Variants in EFCAB5 observed in about 807,000 individuals in gnomAD.
EFCAB5 encodes the protein EF-hand calcium-binding domain-containing protein 5.
EFCAB5 carries 131 observed loss-of-function variants against 167.9 expected under a neutral mutation model. The observed-to-expected ratio is 0.78, with a 90% CI of 0.68 to 0.90. EFCAB5 has a LOEUF of 0.90. Among genes scored for constraint, EFCAB5 ranks in the 40% least tolerant of loss-of-function variants. The pLI, the probability that EFCAB5 is intolerant of heterozygous loss-of-function variation, is 0.00. For synonymous variants in EFCAB5, 574 were observed against 602.8 expected (o/e 0.95, Z 0.70); for missense variants, 1,663 against 1,745.2 (o/e 0.95, Z 0.84).
At chr17:30,032,826 G>A (rs750701331) in intron 7 of EFCAB5, among the ~76,000 whole-genome samples, 1 of 151,888 alleles carries the variant, frequency 6.6e-6, no homozygotes, top group Non-Finnish European at 1.5e-5. Context: ...TAATTCTCAG[G>A]CCCAGCCAAA....
intron 1 of EFCAB5, among the ~76,000 whole-genome samples, chr17:29,931,604 T>A (rs2067196337): frequency 6.6e-6 from 1 of 151,584 alleles, no homozygotes; most frequent in African/African-American, 2.4e-5. Flanking sequence ...GATTAAACAA[T>A]CTGACTGTGT....
At chr17:29,938,235 A>G (rs2067261774), upstream of EFCAB5, among the ~76,000 whole-genome samples, 1 of 152,228 alleles carries the variant, frequency 6.6e-6, no homozygotes, top group South Asian at 2.1e-4. Context: ...AGTTATATTT[A>G]TACTATAGTC....
At chr17:30,016,102 G>C (rs1454496337) in intron 7 of EFCAB5, among the ~76,000 whole-genome samples, 5 of 152,038 alleles carry the variant, frequency 3.3e-5, no homozygotes, top group Admixed American at 2.6e-4. Flanking sequence ...GATCATAACT[G>C]TTCTTTATAT....
intron 3 of EFCAB5, among the ~76,000 whole-genome samples, chr17:29,952,816 T>G (rs2067538914): frequency 6.6e-6 from 1 of 152,144 alleles, no homozygotes; most frequent in African/African-American, 2.4e-5. Context: ...ATTTTTTTCT[T>G]AAGCTAAGAG....
chr17:29,965,026 C>A (rs1292677393), intron 3 of EFCAB5, among the ~76,000 whole-genome samples: 3 of 151,632 alleles, frequency 2.0e-5, no homozygotes. Flanking sequence ...CTCAGCCTGC[C>A]GAGTAGTTCG....
chr17:29,942,054 A>G (rs2067305892), intron 1 of EFCAB5, among the ~76,000 whole-genome samples, 186 bp from the exon 2 acceptor site: 4 of 152,172 alleles, frequency 2.6e-5, no homozygotes, highest in African/African-American at 2.4e-5. Context: ...TTCCTTGACT[A>G]TATATAAAAG....
chr17:29,977,461 C>A (rs2068084474), intron 4 of EFCAB5, among the ~76,000 whole-genome samples: 1 of 152,096 alleles, frequency 6.6e-6, no homozygotes, highest in African/African-American at 2.4e-5. Flanking sequence ...ACCATAATAA[C>A]CTAGAATGAG....
chr17:30,055,539 G>A (rs2070235955), intron 10 of EFCAB5, among the ~76,000 whole-genome samples: 1 of 152,180 alleles, frequency 6.6e-6, no homozygotes, highest in Non-Finnish European at 1.5e-5. Flanking sequence ...AGAAGTATAT[G>A]TACTATCTGC....
Position 30,080,772 on chromosome 17 carries a change from G to A in EFCAB5, c.3217G>A (p.Gly1073Arg). 1.2e-6 allele frequency: 2 copies of A among 1,606,610 alleles called. No homozygotes were observed. Among genetic ancestry groups the A allele is most frequent in the African/African-American group, 1.3e-5 (1 of 74,938 alleles). ...KGISFTVVDEGKPIHVPQVQY... is the reference protein window; with the variant it reads ...KGISFTVVDERKPIHVPQVQY... ...CCTCAGCTTTACAGTAGTGGATGAA[G>A]GGAAGCCAATCCATGTTCCCCAAGT... Residue 1073 changes from glycine to arginine, a missense_variant, in exon 17 of 23, where the codon GGG (glycine) becomes AGG (arginine). Coordinates refer to ENST00000394835, the MANE Select transcript of EFCAB5 (RefSeq NM_198529.4).
chr17:30,002,822 T>C (rs1009131156), intron 7 of EFCAB5, among the ~76,000 whole-genome samples: 4 of 152,234 alleles, frequency 2.6e-5, no homozygotes, highest in African/African-American at 9.6e-5. Flanking sequence ...TCCTGAATGA[T>C]AATTTCACTG....
chr17:29,965,068 A>AT (rs887810713), intron 3 of EFCAB5, among the ~76,000 whole-genome samples: 61 of 144,992 alleles, frequency 4.2e-4, no homozygotes, highest in Non-Finnish European at 5.3e-4. Context: ...CATCCGGCTA[A>AT]TTTTTTTTTT....
chr17:29,999,890 T>G lies in EFCAB5; in HGVS notation c.974-16T>G, dbSNP rs1234261765. On this transcript the variant is annotated splice_polypyrimidine_tract_variant and intron_variant, in intron 6 of 22. Coordinates refer to ENST00000394835, the MANE Select transcript of EFCAB5 (RefSeq NM_198529.4). ...CAACCTAACTAACTAGCAAATAATC[T>G]TCATTCCATAAATAGGATCACACTG... is the stretch of plus-strand genomic sequence containing the variant. The G allele has an allele frequency of 7.1e-6, 11 of 1,558,084 alleles. No homozygotes were observed. The highest frequency in any genetic ancestry group is 8.7e-6 in the Non-Finnish European group (10 of 1,147,552).
chr17:30,042,504 A>G lies in EFCAB5; in HGVS notation c.1200+8119A>G, dbSNP rs546067854. Among the ~76,000 whole-genome samples the G allele has an allele frequency of 2.0e-5, 3 of 152,340 alleles. No homozygotes were observed. The East Asian group carries it at 5.8e-4, about 29-fold the overall frequency. On this transcript the variant is annotated intron_variant, in intron 8 of 22. Transcript: ENST00000394835. ...CATTAAAAGGATGATAGGAAACATT[A>G]TGAACAACTTTATGCCAATGAATTT...
chr17:29,999,899 T>TA lies in EFCAB5; in HGVS notation c.974-4dup, dbSNP rs1171222641. On this transcript the variant is annotated splice_region_variant and splice_polypyrimidine_tract_variant and intron_variant, in intron 6 of 22. Transcript: ENST00000394835. ...TAACTAGCAAATAATCTTCATTCCA[T>TA]AAATAGGATCACACTGCAAACAACT... is the stretch of plus-strand genomic sequence containing the variant. The TA allele has an allele frequency of 6.4e-7, 1 of 1,570,700 alleles. No homozygotes were observed. Among genetic ancestry groups the TA allele is most frequent in the Admixed American group, 1.8e-5 (1 of 55,098 alleles).
intron 7 of EFCAB5, among the ~76,000 whole-genome samples, chr17:30,021,111 T>A (rs971181583): frequency 1.3e-5 from 2 of 151,480 alleles, no homozygotes; most frequent in Non-Finnish European, 2.9e-5. Flanking sequence ...TGAAAGAGTA[T>A]GGTTTGTCTA....
At chr17:30,063,524 C>T (rs1027954619) in intron 14 of EFCAB5, among the ~76,000 whole-genome samples, 3 of 152,206 alleles carry the variant, frequency 2.0e-5, no homozygotes, top group Admixed American at 6.5e-5. Flanking sequence ...CTCCTGGGCT[C>T]AAGCTGCTAG....
chr17:30,079,686 T>TGAA (rs1200160891), intron 15 of EFCAB5, among the ~76,000 whole-genome samples: 1 of 152,142 alleles, frequency 6.6e-6, no homozygotes, highest in Non-Finnish European at 1.5e-5. Flanking sequence ...ATGAGTGAAG[T>TGAA]GAAGGCAACT....
chr17:30,103,799 G>T (rs773254121), intron 22 of EFCAB5, among the ~76,000 whole-genome samples: 12 of 152,158 alleles, frequency 7.9e-5, no homozygotes, highest in Non-Finnish European at 1.5e-4. Context: ...TGGATCACCT[G>T]AGGTCAGGAG....
At chr17:30,027,894 C>T (rs1406201480) in intron 7 of EFCAB5, among the ~76,000 whole-genome samples, 1 of 152,166 alleles carries the variant, frequency 6.6e-6, no homozygotes, top group African/African-American at 2.4e-5. Flanking sequence ...CTATATAAAG[C>T]AAAGGTCAGT....
Sources: gnomAD v4.1 joint callset for allele counts (sites outside exome capture counted in the v4.1 genomes callset) on GRCh38, gnomAD v4.1.1 for gene constraint, MANE v1.5 for transcripts, NCBI Gene and HGNC (gene_info 2026-07-23, HGNC 2026-07-21) for gene names.